Variants in COL6A1 observed in about 807,000 individuals in gnomAD.
COL6A1 encodes the protein collagen type VI alpha 1 chain.
Under a neutral mutation model 145.6 loss-of-function variants are expected in COL6A1, and 80 were observed. That is an observed-to-expected ratio of 0.55 (90% CI 0.46 to 0.66). The LOEUF (loss-of-function observed/expected upper bound fraction) is 0.66, where lower values mean the gene tolerates loss of function less well. Among genes scored for constraint, COL6A1 ranks in the 30% least tolerant of loss-of-function variants. COL6A1 has a pLI of 0.00. For missense variants in COL6A1, 1,364 were observed against 1,473.8 expected (o/e 0.93, Z 1.22); for synonymous variants, 638 against 622.8 (o/e 1.02, Z -0.36).
Position 45,994,212 on chromosome 21 carries a change from G to C in COL6A1, c.1381G>C (p.Gly461Arg), listed in dbSNP as rs1278140141. ...TGATCAGGGAAGAGAAGGCCCCGTTGGTGTCCCTGGAGACCCGGTAGGAAG... is the reference window on the plus strand; with the variant it reads ...TGATCAGGGAAGAGAAGGCCCCGTTCGTGTCCCTGGAGACCCGGTAGGAAG... ...QGDQGREGPV[G>R]VPGDPGEAGP... is the part of the protein sequence containing the mutation. The change falls in exon 20 of 35, where the codon GGT becomes CGT. Residue 461 changes from glycine to arginine, a missense_variant. By Grantham distance (125) the Gly-to-Arg change is moderately radical. Around this residue, in one of 3 missense-constraint regions of COL6A1, gnomAD observed 938 missense variants for 1,003.8 expected, o/e 0.93. Coordinates refer to ENST00000361866, the MANE Select transcript of COL6A1 (RefSeq NM_001848.3). The surrounding 1 kb of genome is among the most constrained non-coding windows in gnomAD (Gnocchi z 6.8). 6.2e-7 allele frequency: 1 copy of C among 1,609,632 alleles called. No homozygotes were observed. The highest frequency in any genetic ancestry group is 8.5e-7 in the Non-Finnish European group (1 of 1,178,588).
At chr21:45,987,385 G>A in intron 6 of COL6A1, 114 bp from the exon 7 acceptor site, 3 of 1,525,404 alleles carry the variant, frequency 2.0e-6, no homozygotes, top group Non-Finnish European at 2.7e-6. Context: ...GTGTCCGCCT[G>A]TGCGTCCATC....
At position 45,981,928 on chromosome 21, in the gene COL6A1, G is replaced by A. The variant is rs2077709355; in HGVS notation, c.78G>A (p.Pro26=). Residue 26 remains proline (P), a synonymous_variant, in exon 1 of 35, where the codon CCG becomes CCA. Coordinates refer to ENST00000361866, the MANE Select transcript of COL6A1 (RefSeq NM_001848.3). ...WTAAQDEPET[P]RAVAFQDCPV... is the part of the protein sequence containing the mutation. ...CCGCGCAGGATGAGCCGGAGACCCC[G>A]AGGGCCGTGGCCTTCCAGGGTGAGT... 1 of 1,607,312 alleles carries A rather than the reference G, an allele frequency of 6.2e-7. No homozygotes were observed. Among genetic ancestry groups the A allele is most frequent in the Non-Finnish European group, 8.5e-7 (1 of 1,178,148 alleles).
rs1569517969 is a variant in COL6A1, at chr21:45,987,792, GGGTCCAGATGGAGGGGACGGCGGGA to G, written c.804+140_804+164del. The G allele has an allele frequency of 1.4e-4, 70 of 498,918 alleles. 15 individuals carry two copies. Among genetic ancestry groups the G allele is most frequent in the Middle Eastern group, 6.1e-4 (1 of 1,644 alleles). 30.9% of individuals were successfully genotyped at this position (498,918 alleles called of 1,614,324 possible). ...GGGGTCCAGATGGAGGGGACGGCGG[GGGTCCAGATGGAGGGGACGGCGGGA>G]GTCCAGATGGAGGGGATGGCGGGGT... On this transcript the variant is annotated intron_variant, in intron 8 of 34. Coordinates refer to ENST00000361866, the MANE Select transcript of COL6A1 (RefSeq NM_001848.3).
At position 45,982,658 on chromosome 21, in the gene COL6A1, T is replaced by A. The variant is rs1407806712; in HGVS notation, c.122T>A (p.Val41Glu). 6.2e-7 allele frequency: 1 copy of A among 1,612,910 alleles called. No individual in the cohort carries two copies. The highest frequency in any genetic ancestry group is 1.3e-5 in the African/African-American group (1 of 75,064). ...FQDCPVDLFF[V>E]LDTSESVALR... ...GACTGCCCCGTGGACCTGTTCTTTG[T>A]GCTGGACACCTCTGAGAGCGTGGCC... The change falls in exon 2 of 35, where the codon GTG becomes GAG. Residue 41 changes from valine (V) to glutamate (E), a missense_variant. Physicochemically the swap from Val to Glu is moderately radical, Grantham distance 121. Transcript: ENST00000361866.
At chr21:45,992,576 C>T (rs922304480) in intron 18 of COL6A1, among the ~76,000 whole-genome samples, 172 bp from the exon 19 acceptor site, 4 of 152,222 alleles carry the variant, frequency 2.6e-5, no homozygotes, top group Non-Finnish European at 5.9e-5. Context: ...GCGGGTGGGA[C>T]CTGGGGAACC....
At chr21:45,999,765 C>T (rs1366799202) in intron 27 of COL6A1, 73 bp downstream of exon 27, 2 of 1,308,038 alleles carry the variant, frequency 1.5e-6, no homozygotes. Flanking sequence ...GGGTCCTGTC[C>T]ATGGGTGCTC....
At chr21:45,999,748 G>C (rs2077827603) in intron 27 of COL6A1, 56 bp downstream of exon 27, 1 of 1,587,122 alleles carries the variant, frequency 6.3e-7, no homozygotes, top group Admixed American at 1.7e-5. Context: ...TCCATCCCTT[G>C]GGGTGTGGGT....
chr21:45,998,481 C>T lies in COL6A1; in HGVS notation c.1611+48C>T, dbSNP rs886038494. The T allele has an allele frequency of 1.2e-6, 2 of 1,611,880 alleles. No individual in the cohort carries two copies. Among genetic ancestry groups the T allele is most frequent in the Non-Finnish European group, 1.7e-6 (2 of 1,179,012 alleles). ...CTGGCTGTGGGCACACAAACATTCA[C>T]AGTCACAGGGACACGCACGTGTGAA... On this transcript the variant is annotated intron_variant, in intron 24 of 34. Transcript: ENST00000361866.
rs1243211161 is a variant in COL6A1 at position 45,986,938 on chromosome 21, C to A, written c.589-6C>A. 18 of 1,546,330 alleles carry A rather than the reference C, an allele frequency of 1.2e-5. No homozygotes were observed. Among genetic ancestry groups the A allele is most frequent in the African/African-American group, 2.7e-5 (2 of 73,376 alleles). On this transcript the variant is annotated splice_region_variant and splice_polypyrimidine_tract_variant and intron_variant, in intron 4 of 34. Transcript: ENST00000361866. ...CTGCTCAGCCCACCCTGAACACTGCCCCCAGGAGCCGCGTCTGAGCATCAT... is the reference window on the plus strand; with the variant it reads ...CTGCTCAGCCCACCCTGAACACTGCACCCAGGAGCCGCGTCTGAGCATCAT...
chr21:45,984,210 C>G, intron 2 of COL6A1, 59 bp from the exon 3 acceptor site: 1 of 1,505,680 alleles, frequency 6.6e-7, no homozygotes, highest in Admixed American at 1.9e-5. Flanking sequence ...CGCCCTGGGA[C>G]GGGTAGCGAT....
chr21:45,986,349 C>G (rs1206545853), intron 3 of COL6A1, among the ~76,000 whole-genome samples, 177 bp from the exon 4 acceptor site: 1 of 152,180 alleles, frequency 6.6e-6, no homozygotes, highest in African/African-American at 2.4e-5. Context: ...ATGAGACCCA[C>G]AGGCGTTATT....
At position 46,004,184 on chromosome 21, in the gene COL6A1, C is replaced by T. The variant is rs1025930399; in HGVS notation, c.*171C>T. ...GCTGCTGCCTGCTTTGTGCAGGGTC[C>T]TCCGGGGCTCAGCCCTGAGTTGGCA... On this transcript the variant is annotated 3_prime_UTR_variant, in exon 35 of 35. Coordinates refer to ENST00000361866, the MANE Select transcript of COL6A1 (RefSeq NM_001848.3). 91 of 907,808 alleles carry T rather than the reference C, an allele frequency of 1.0e-4. No individual in the cohort carries two copies. The highest frequency in any genetic ancestry group is 8.2e-4 in the Admixed American group (33 of 40,116). The allele number at this position is 907,808 out of a possible 1,614,324, so 56.2% of individuals were successfully genotyped here.
intron 1 of COL6A1, among the ~76,000 whole-genome samples, chr21:45,982,288 C>A (rs78383858): frequency 0.18 from 23,885 of 130,724 alleles, 2,224 homozygotes; most frequent in Middle Eastern, 0.33. Context: ...ACGGCCCCCC[C>A]GACCCCCGTT....
intron 29 of COL6A1, 174 bp from the exon 30 acceptor site, chr21:46,001,079 G>T: frequency 1.1e-6 from 1 of 941,488 alleles, no homozygotes; most frequent in Non-Finnish European, 1.6e-6. Context: ...CCGCCGGACA[G>T]AGCAGCCTTT....
At chr21:45,991,332 C>T (rs1033427037) in intron 15 of COL6A1, among the ~76,000 whole-genome samples, 5 of 152,338 alleles carry the variant, frequency 3.3e-5, no homozygotes, top group Admixed American at 6.5e-5. Context: ...ACAGATGGGA[C>T]CCCACCGCGT....
chr21:45,983,117 G>A (rs921616611), intron 2 of COL6A1, among the ~76,000 whole-genome samples: 2 of 152,242 alleles, frequency 1.3e-5, no homozygotes, highest in African/African-American at 4.8e-5. Flanking sequence ...GCCCAGACAC[G>A]CAGTCCTGCC....
chr21:45,989,910 C>A, intron 11 of COL6A1, 132 bp downstream of exon 11: 6 of 1,214,868 alleles, frequency 4.9e-6, no homozygotes, highest in Non-Finnish European at 7.1e-6. Context: ...TCCACCGCCC[C>A]TCGCCGTCCC....
intron 30 of COL6A1, 42 bp downstream of exon 30, chr21:46,001,428 C>T (rs774977409): frequency 1.9e-6 from 3 of 1,601,936 alleles, no homozygotes; most frequent in South Asian, 2.2e-5. Flanking sequence ...CCCAGGTGCA[C>T]CCCGACCCTG....
At position 46,003,754 on chromosome 21, in the gene COL6A1, C is replaced by G; in HGVS notation, c.2828C>G (p.Ser943Ter). The G allele has an allele frequency of 1.2e-6, 2 of 1,612,842 alleles. No homozygotes were observed. The highest frequency in any genetic ancestry group is 1.7e-6 in the Non-Finnish European group (2 of 1,179,844). The change falls in exon 35 of 35, where the codon TCA (serine) becomes TGA (stop). Residue 943 changes from serine to a stop codon, truncating the protein, a stop_gained. Transcript: ENST00000361866. LOFTEE classifies it high-confidence loss of function. The stretch of plus-strand genomic sequence containing the variant: ...GCCAAGAAGAGGCTGCTGCTCTTCT[C>G]AGATGGCAACTCGCAGGGCGCCACG... ...GAAKKRLLLF[S>*]DGNSQGATPA...
Sources: allele counts gnomAD v4.1 joint callset (sites outside exome capture counted in the v4.1 genomes callset), GRCh38; gene constraint gnomAD v4.1.1; regional missense constraint gnomAD v4.1.1; non-coding constraint Gnocchi (gnomAD v3.1); transcripts MANE v1.5; gene names NCBI Gene and HGNC (gene_info 2026-07-23, HGNC 2026-07-21).